NEGR1: variants seen among roughly 807,000 people sequenced by gnomAD.
NEGR1 encodes the protein neuronal growth regulator 1.
Under a neutral mutation model 40.9 loss-of-function variants are expected in NEGR1, and 10 were observed. That is an observed-to-expected ratio of 0.24 (90% CI 0.15 to 0.42). The LOEUF (loss-of-function observed/expected upper bound fraction) is 0.42. Among genes scored for constraint, NEGR1 ranks in the 10% least tolerant of loss-of-function variants. NEGR1 has a pLI of 1.00. For missense variants in NEGR1, 352 were observed against 438.9 expected, an observed-to-expected ratio of 0.80 and a Z score of 1.77; for synonymous variants, 185 against 166.8, an observed-to-expected ratio of 1.11 and a Z score of -0.84.
intron 3 of NEGR1, among the ~76,000 whole-genome samples, chr1:71,704,888 G>T (rs1365534987): frequency 2.0e-5 from 3 of 151,416 alleles, no homozygotes; most frequent in African/African-American, 7.3e-5. Flanking sequence ...CCAATCTAGG[G>T]ATATATTAAT....
chr1:71,928,307 C>T (rs1222028334), intron 2 of NEGR1, among the ~76,000 whole-genome samples: 105 of 112,602 alleles, frequency 9.3e-4, no homozygotes, highest in African/African-American at 3.4e-3. Context: ...TGTATATATA[C>T]ACACATATGT....
chr1:71,926,417 A>G (rs894105293), intron 2 of NEGR1, among the ~76,000 whole-genome samples: 6 of 151,790 alleles, frequency 4.0e-5, no homozygotes, highest in African/African-American at 1.5e-4. Context: ...TAATTATTTG[A>G]TTTTTGGCCC....
intron 3 of NEGR1, among the ~76,000 whole-genome samples, chr1:71,716,186 A>C (rs1654267586): frequency 1.3e-5 from 2 of 152,028 alleles, no homozygotes; most frequent in African/African-American, 4.8e-5. Flanking sequence ...TCTCATGAGA[A>C]CTCACTCAGT....
chr1:71,808,713 CCTT>C (rs1242029424), intron 2 of NEGR1, among the ~76,000 whole-genome samples: 1 of 152,058 alleles, frequency 6.6e-6, no homozygotes, highest in Non-Finnish European at 1.5e-5. Flanking sequence ...TCCCCCAACT[CCTT>C]GTTACATATT....
Position 71,447,779 on chromosome 1 carries a change from A to G in NEGR1, c.941-40209T>C, listed in dbSNP as rs529639654. Among the ~76,000 whole-genome samples, 6 of 152,358 alleles carry G rather than the reference A, an allele frequency of 3.9e-5. No individual in the cohort carries two copies. The East Asian group carries it at 1.2e-3, about 29-fold the overall frequency. On this transcript the variant is annotated intron_variant, in intron 6 of 6. Transcript: ENST00000357731. ...CTTCATCGTCGTGTTCACAATGACT[A>G]GAATGAGCTTAACCAATTGCCTAGC...
intron 4 of NEGR1, among the ~76,000 whole-genome samples, chr1:71,641,441 T>A (rs550149697): frequency 6.6e-6 from 1 of 152,158 alleles, no homozygotes; most frequent in East Asian, 1.9e-4. Flanking sequence ...CACAAATGCA[T>A]GAAAAAGCAT....
intron 2 of NEGR1, among the ~76,000 whole-genome samples, chr1:71,860,537 A>T (rs1308503365): frequency 6.6e-6 from 1 of 152,000 alleles, no homozygotes; most frequent in Non-Finnish European, 1.5e-5. Context: ...AAGTCTAATA[A>T]AATTATGTTT....
chr1:71,562,318 TCTTATTTC>T (rs1246755270), intron 6 of NEGR1, among the ~76,000 whole-genome samples: 1 of 151,862 alleles, frequency 6.6e-6, no homozygotes, highest in Non-Finnish European at 1.5e-5. Flanking sequence ...TCTAGAAAGA[TCTTATTTC>T]CTTCTTTAAA....
At chr1:71,433,392 A>G (rs771423385) in intron 6 of NEGR1, among the ~76,000 whole-genome samples, 21 of 152,232 alleles carry the variant, frequency 1.4e-4, no homozygotes, top group Non-Finnish European at 1.5e-5. Context: ...TGTGCTTCAC[A>G]CTGCCCCAAA....
chr1:71,663,338 T>C (rs1279356464), intron 4 of NEGR1, among the ~76,000 whole-genome samples: 1 of 152,142 alleles, frequency 6.6e-6, no homozygotes, highest in African/African-American at 2.4e-5. Context: ...ATTCTTATCA[T>C]GTTATTATTT....
At chr1:72,116,440 A>G (rs1180397131) in intron 1 of NEGR1, among the ~76,000 whole-genome samples, 1 of 151,722 alleles carries the variant, frequency 6.6e-6, no homozygotes, top group East Asian at 1.9e-4. Context: ...CTGCAAACTT[A>G]CATTTAGCAC....
chr1:72,138,812 T>G, intron 1 of NEGR1, among the ~76,000 whole-genome samples: 1 of 152,060 alleles, frequency 6.6e-6, no homozygotes, highest in Middle Eastern at 3.4e-3. Context: ...AGATAAAATA[T>G]CAGCAAGCAT....
At chr1:71,611,405 G>A (rs907498033) in intron 4 of NEGR1, among the ~76,000 whole-genome samples, 1 of 152,076 alleles carries the variant, frequency 6.6e-6, no homozygotes, top group African/African-American at 2.4e-5. Flanking sequence ...GCTTCCTACT[G>A]GAAAAATGGC....
chr1:72,066,660 C>G (rs1398084916), intron 1 of NEGR1, among the ~76,000 whole-genome samples: 1 of 151,936 alleles, frequency 6.6e-6, no homozygotes, highest in African/African-American at 2.4e-5. Context: ...GAGAAAAGGC[C>G]CTGTGAGGAC....
Position 71,435,425 on chromosome 1 carries a change from A to G in NEGR1, c.941-27855T>C, listed in dbSNP as rs138122078. On this transcript the variant is annotated intron_variant, in intron 6 of 6. Transcript: ENST00000357731. The stretch of plus-strand genomic sequence containing the variant: ...GATAACGAGAGAAACAGGTTCTGCC[A>G]ACCAAGAGGTAGCAGACAAATTCTC... Among the ~76,000 whole-genome samples, 155 of 152,296 alleles carry G rather than the reference A, an allele frequency of 1.0e-3. 2 individuals are homozygous for G. The East Asian group carries it at 0.027, about 27-fold the overall frequency.
intron 1 of NEGR1, among the ~76,000 whole-genome samples, chr1:72,023,412 G>A (rs1353762774): frequency 6.6e-6 from 1 of 151,760 alleles, no homozygotes; most frequent in Non-Finnish European, 1.5e-5. Context: ...CTATTTGCTG[G>A]ATGAATCCTA....
intron 2 of NEGR1, among the ~76,000 whole-genome samples, chr1:71,927,565 A>G (rs1348817291): frequency 6.6e-6 from 1 of 152,092 alleles, no homozygotes; most frequent in African/African-American, 2.4e-5. Context: ...TTCCCAAATT[A>G]GGCATAACTA....
intron 1 of NEGR1, among the ~76,000 whole-genome samples, chr1:72,049,328 C>G (rs562629302): frequency 3.7e-4 from 56 of 151,436 alleles, no homozygotes; most frequent in African/African-American, 1.3e-3. Flanking sequence ...AAGAGTGAGT[C>G]CCTGTCTCTA....
intron 2 of NEGR1, among the ~76,000 whole-genome samples, chr1:71,904,556 T>C (rs191968410): frequency 1.7e-3 from 261 of 152,236 alleles, no homozygotes; most frequent in African/African-American, 6.1e-3. Context: ...TCATCCAATA[T>C]AGGTTTGGCA....
Sources: allele counts gnomAD v4.1 joint callset (sites outside exome capture counted in the v4.1 genomes callset), GRCh38; gene constraint gnomAD v4.1.1; transcripts MANE v1.5; gene names NCBI Gene and HGNC (gene_info 2026-07-23, HGNC 2026-07-21).